KLHL1: variants seen among roughly 807,000 people sequenced by gnomAD.
KLHL1 encodes the protein kelch like family member 1.
KLHL1 carries 47 observed loss-of-function variants against 77.7 expected under a neutral mutation model. That is an observed-to-expected ratio of 0.60 (90% CI 0.48 to 0.77). The LOEUF is 0.77. Among genes scored for constraint, KLHL1 ranks in the 30% least tolerant of loss-of-function variants. KLHL1 has a pLI of 0.00. For synonymous variants in KLHL1, 360 were observed against 325.2 expected (o/e 1.11, Z -1.15); for missense variants, 925 against 910.8 (o/e 1.02, Z -0.20).
chr13:69,867,640 C>A (rs1880412964), intron 5 of KLHL1, among the ~76,000 whole-genome samples: 1 of 151,546 alleles, frequency 6.6e-6, no homozygotes, highest in Admixed American at 6.6e-5. Flanking sequence ...ATTAAATCAT[C>A]ATTTCATTCC....
chr13:69,832,485 C>T (rs1413468057), intron 6 of KLHL1, among the ~76,000 whole-genome samples: 1 of 149,896 alleles, frequency 6.7e-6, no homozygotes. Context: ...ATCCCATGTT[C>T]ATGGATGGGT....
At chr13:70,031,690 T>G (rs1886106311) in intron 1 of KLHL1, among the ~76,000 whole-genome samples, 1 of 152,130 alleles carries the variant, frequency 6.6e-6, no homozygotes, top group East Asian at 1.9e-4. Context: ...TAAACCTAAT[T>G]ATTGCTTTTT....
intron 5 of KLHL1, among the ~76,000 whole-genome samples, chr13:69,860,492 A>G (rs543230038): frequency 1.7e-3 from 266 of 152,132 alleles, no homozygotes; most frequent in Non-Finnish European, 3.0e-3. Context: ...TTAAAAATGA[A>G]TAAGTTGAAG....
intron 1 of KLHL1, among the ~76,000 whole-genome samples, chr13:70,075,575 A>ATATATATATATATATATG (rs1566554678): frequency 1.8e-5 from 2 of 108,602 alleles, no homozygotes; most frequent in African/African-American, 6.8e-5. Flanking sequence ...ATGTGTATAT[A>ATATATATATATATATATG]TATATATATA....
At chr13:69,712,678 A>G (rs755415778) in intron 9 of KLHL1, among the ~76,000 whole-genome samples, 40 of 151,906 alleles carry the variant, frequency 2.6e-4, no homozygotes, top group Admixed American at 2.0e-4. Flanking sequence ...TTTCCAATAT[A>G]CACACAACCA....
chr13:69,992,318 A>T (rs1342412776), intron 1 of KLHL1, among the ~76,000 whole-genome samples: 1 of 152,018 alleles, frequency 6.6e-6, no homozygotes, highest in East Asian at 1.9e-4. Flanking sequence ...TCTCTTTTGA[A>T]CAACTCAGAG....
intron 7 of KLHL1, among the ~76,000 whole-genome samples, chr13:69,790,550 TAACA>T (rs376376802): frequency 8.3e-4 from 126 of 152,200 alleles, no homozygotes; most frequent in South Asian, 4.1e-3. Context: ...CACAAAATAC[TAACA>T]AACAAATAAA....
chr13:69,887,413 G>T (rs1881260660), intron 4 of KLHL1, among the ~76,000 whole-genome samples: 1 of 151,946 alleles, frequency 6.6e-6, no homozygotes, highest in African/African-American at 2.4e-5. Context: ...TTTACAACAG[G>T]GCCAGGCTGA....
chr13:69,925,804 C>T (rs970727029), intron 4 of KLHL1, among the ~76,000 whole-genome samples: 1 of 152,142 alleles, frequency 6.6e-6, no homozygotes, highest in East Asian at 1.9e-4. Context: ...CATGTTGTTA[C>T]TCTCATTCAT....
chr13:69,959,290 G>A (rs190101532), intron 3 of KLHL1, among the ~76,000 whole-genome samples: 1 of 152,144 alleles, frequency 6.6e-6, no homozygotes, highest in African/African-American at 2.4e-5. Context: ...GAGCCTGGAA[G>A]TGTTAGGTTG....
chr13:70,054,430 T>G (rs1348093385), intron 1 of KLHL1, among the ~76,000 whole-genome samples: 1 of 152,090 alleles, frequency 6.6e-6, no homozygotes, highest in Non-Finnish European at 1.5e-5. Flanking sequence ...TGGTTAAATT[T>G]TTATTGCATT....
intron 3 of KLHL1, among the ~76,000 whole-genome samples, chr13:69,957,943 G>A (rs1308393376): frequency 6.6e-6 from 1 of 151,728 alleles, no homozygotes; most frequent in East Asian, 1.9e-4. Flanking sequence ...TTTCTGTGCT[G>A]TTACAATGTG....
intron 7 of KLHL1, among the ~76,000 whole-genome samples, chr13:69,743,504 G>A (rs1874069159): frequency 6.6e-6 from 1 of 152,176 alleles, no homozygotes; most frequent in Admixed American, 6.6e-5. Context: ...ACAAATCAGG[G>A]CTGGACGTGG....
intron 7 of KLHL1, among the ~76,000 whole-genome samples, chr13:69,756,307 G>A (rs1480606453): frequency 6.6e-6 from 1 of 152,042 alleles, no homozygotes; most frequent in Non-Finnish European, 1.5e-5. Flanking sequence ...AATATTGGGG[G>A]ATAAAATGGA....
intron 9 of KLHL1, among the ~76,000 whole-genome samples, chr13:69,712,627 C>T (rs560304937): frequency 6.6e-6 from 1 of 152,120 alleles, no homozygotes; most frequent in East Asian, 1.9e-4. Flanking sequence ...TGTCTTGGAA[C>T]TTAGGACCCT....
intron 1 of KLHL1, among the ~76,000 whole-genome samples, chr13:70,022,071 G>C (rs961368542): frequency 6.6e-6 from 1 of 151,622 alleles, no homozygotes; most frequent in Admixed American, 6.6e-5. Flanking sequence ...AAGTCACTTT[G>C]ATTTTCTCCT....
intron 10 of KLHL1, among the ~76,000 whole-genome samples, chr13:69,705,750 T>C (rs907676318): frequency 1.3e-5 from 2 of 151,736 alleles, no homozygotes; most frequent in Non-Finnish European, 3.0e-5. Context: ...AAATGCCACT[T>C]TGCTGTTTGT....
At chr13:69,872,645 G>A (rs1220336455) in intron 5 of KLHL1, among the ~76,000 whole-genome samples, 1 of 152,116 alleles carries the variant, frequency 6.6e-6, no homozygotes, top group African/African-American at 2.4e-5. Context: ...CTCCTTTTGA[G>A]AATACTCCCA....
chr13:70,029,545 G>C (rs1470441351), intron 1 of KLHL1, among the ~76,000 whole-genome samples: 1 of 152,124 alleles, frequency 6.6e-6, no homozygotes, highest in Non-Finnish European at 1.5e-5. Flanking sequence ...TTACAGACAA[G>C]CAAATGCTGA....
Sources: gnomAD v4.1 joint callset for allele counts (sites outside exome capture counted in the v4.1 genomes callset) on GRCh38, gnomAD v4.1.1 for gene constraint, MANE v1.5 for transcripts, NCBI Gene and HGNC (gene_info 2026-07-23, HGNC 2026-07-21) for gene names.